Variants in KANSL1L observed in about 807,000 individuals in gnomAD.
The protein encoded by KANSL1L is KAT8 regulatory NSL complex subunit 1-like protein.
Under a neutral mutation model 108.6 loss-of-function variants are expected in KANSL1L, and 25 were observed. That is an observed-to-expected ratio of 0.23 (90% CI 0.17 to 0.32). The LOEUF is 0.32. Among genes scored for constraint, KANSL1L ranks in the 10% least tolerant of loss-of-function variants. The pLI is 1.00. For missense variants in KANSL1L, 1,137 were observed against 1,125.7 expected, an observed-to-expected ratio of 1.01 and a Z score of -0.14; for synonymous variants, 405 against 395.1, an observed-to-expected ratio of 1.03 and a Z score of -0.30.
intron 2 of KANSL1L, among the ~76,000 whole-genome samples, chr2:210,146,000 T>G (rs1372240663): frequency 6.6e-6 from 1 of 151,896 alleles, no homozygotes; most frequent in Non-Finnish European, 1.5e-5. Flanking sequence ...GTGGTGGTGG[T>G]GGGGGTAGAG....
rs376604799 is a variant in KANSL1L, at chr2:210,026,000, TAAG to T, written c.2452-787_2452-785del. On this transcript the variant is annotated intron_variant, in intron 12 of 14. Transcript: ENST00000281772. ...GTCCATTGTGGAGTACATACTATTC[TAAG>T]AAGATGTTAATATCAGATAAAAGTA... 3.5e-3 allele frequency among the ~76,000 whole-genome samples: 538 copies of T among 152,352 alleles called. 1 individual carries two copies. Among genetic ancestry groups the T allele is most frequent in the Non-Finnish European group, 6.0e-3 (409 of 68,026 alleles).
In KANSL1L at chr2:210,114,368, T is replaced by C. The variant is rs1001623079; in HGVS notation, c.1231-10067A>G. Among the ~76,000 whole-genome samples the C allele has an allele frequency of 2.3e-4, 35 of 151,988 alleles. 1 individual carries two copies. The highest frequency in any genetic ancestry group is 7.5e-4 in the African/African-American group (31 of 41,400). The stretch of plus-strand genomic sequence containing the variant: ...CAAAATCCTATTCTATTCGGGAAAA[T>C]TGTCCTTCAAAGGTAAAAAAAATTA... On this transcript the variant is annotated intron_variant, in intron 3 of 14. Coordinates refer to ENST00000281772, the MANE Select transcript of KANSL1L (RefSeq NM_152519.4).
intron 6 of KANSL1L, among the ~76,000 whole-genome samples, chr2:210,052,001 CTTTTTTT>C (rs546815241): frequency 7.4e-6 from 1 of 134,402 alleles, no homozygotes; most frequent in Admixed American, 7.5e-5. Flanking sequence ...TTCTTCTTTC[CTTTTTTT>C]TTTTTTTTTT....
chr2:210,065,538 A>G (rs1026914688), intron 6 of KANSL1L, among the ~76,000 whole-genome samples: 1 of 150,566 alleles, frequency 6.6e-6, no homozygotes, highest in African/African-American at 2.4e-5. Context: ...TTAACACCTC[A>G]GAAAGGTTTG....
chr2:210,065,693 C>T (rs1378994105), intron 6 of KANSL1L, among the ~76,000 whole-genome samples: 1 of 149,496 alleles, frequency 6.7e-6, no homozygotes, highest in African/African-American at 2.5e-5. Context: ...TCAAGGGATT[C>T]TCCTGCCTCA....
intron 2 of KANSL1L, among the ~76,000 whole-genome samples, chr2:210,150,466 T>C (rs527742974): frequency 7.2e-5 from 11 of 152,300 alleles, no homozygotes; most frequent in African/African-American, 2.2e-4. Context: ...AAAATCAAAA[T>C]TGACATGCCT....
intron 3 of KANSL1L, among the ~76,000 whole-genome samples, chr2:210,105,743 T>TA (rs984239825): frequency 1.5e-4 from 23 of 152,070 alleles, no homozygotes; most frequent in African/African-American, 3.6e-4. Flanking sequence ...ATGCGCTTTT[T>TA]AAAAAAATCT....
intron 5 of KANSL1L, among the ~76,000 whole-genome samples, chr2:210,094,910 A>AGGAGG (rs2094723106): frequency 6.6e-6 from 1 of 151,826 alleles, no homozygotes; most frequent in African/African-American, 2.4e-5. Context: ...GGGAGAGGAG[A>AGGAGG]GGAGGGGAGG....
At chr2:210,119,932 C>T (rs1559574694) in intron 3 of KANSL1L, among the ~76,000 whole-genome samples, 2 of 152,142 alleles carry the variant, frequency 1.3e-5, no homozygotes, top group Non-Finnish European at 2.9e-5. Context: ...TCAAACTATA[C>T]TACAGGGCTA....
intron 3 of KANSL1L, among the ~76,000 whole-genome samples, chr2:210,112,125 G>A (rs1352736727): frequency 2.0e-5 from 3 of 152,080 alleles, no homozygotes; most frequent in South Asian, 2.1e-4. Flanking sequence ...TCTTAATCCA[G>A]ACTATCGTTG....
chr2:210,107,522 A>AAT (rs2094860198), intron 3 of KANSL1L, among the ~76,000 whole-genome samples: 1 of 124,276 alleles, frequency 8.0e-6, no homozygotes, highest in African/African-American at 3.2e-5. Context: ...AAAAAAAAAT[A>AAT]TATATATATA....
intron 6 of KANSL1L, among the ~76,000 whole-genome samples, chr2:210,057,402 C>CA (rs924431210): frequency 2.6e-5 from 4 of 151,960 alleles, no homozygotes; most frequent in Admixed American, 6.6e-5. Context: ...GAGTCTTTCT[C>CA]AAAAAAACAA....
intron 6 of KANSL1L, chr2:210,063,943 T>C (rs1390274122): frequency 1.3e-5 from 2 of 152,146 alleles, no homozygotes; most frequent in Non-Finnish European, 2.9e-5. Context: ...TGGGGTGGAA[T>C]GATATGGTTT....
Position 210,132,066 on chromosome 2 carries a change from T to C in KANSL1L, c.1089-2894A>G, listed in dbSNP as rs543617488. Among the ~76,000 whole-genome samples, 12 of 152,328 alleles carry C rather than the reference T, an allele frequency of 7.9e-5. No individual in the cohort carries two copies. In the South Asian group the frequency reaches 2.3e-3, roughly 29 times the overall value. ...AGGAGTGAATAAAACATGTTTGCTA[T>C]GCTTATAAGTGGTAAACAAAAATGT... On this transcript the variant is annotated intron_variant, in intron 2 of 14. Coordinates refer to ENST00000281772, the MANE Select transcript of KANSL1L (RefSeq NM_152519.4).
intron 3 of KANSL1L, among the ~76,000 whole-genome samples, chr2:210,110,767 T>G (rs1347542703): frequency 6.6e-6 from 1 of 152,144 alleles, no homozygotes; most frequent in African/African-American, 2.4e-5. Context: ...GCAGAGAATA[T>G]GCTAGACTTG....
At chr2:210,030,292 G>T (rs1027677269) in intron 9 of KANSL1L, among the ~76,000 whole-genome samples, 5 of 151,710 alleles carry the variant, frequency 3.3e-5, no homozygotes, top group South Asian at 2.1e-4. Context: ...ATTTATGTGA[G>T]GTATCTGTCC....
At chr2:210,079,656 ATATATATATGTATGTGTG>A (rs2094571893) in intron 5 of KANSL1L, 1 of 18,088 alleles carries the variant, frequency 5.5e-5, no homozygotes, top group African/African-American at 1.5e-4. Context: ...ATATATATAT[ATATATATATGTATGTGTG>A]TATATATATA....
At chr2:210,083,624 C>T (rs1209897814) in intron 5 of KANSL1L, among the ~76,000 whole-genome samples, 1 of 151,800 alleles carries the variant, frequency 6.6e-6, no homozygotes, top group African/African-American at 2.4e-5. Flanking sequence ...GTTAGGAGAT[C>T]GAGACCATCC....
chr2:210,119,437 C>T (rs1463993535), intron 3 of KANSL1L, among the ~76,000 whole-genome samples: 1 of 152,012 alleles, frequency 6.6e-6, no homozygotes, highest in Non-Finnish European at 1.5e-5. Context: ...TGCAGAAGTC[C>T]TTAACAAAAA....
Sources: gnomAD v4.1 joint callset for allele counts (sites outside exome capture counted in the v4.1 genomes callset) on GRCh38, gnomAD v4.1.1 for gene constraint, MANE v1.5 for transcripts, NCBI Gene and HGNC (gene_info 2026-07-23, HGNC 2026-07-21) for gene names.